Variants in MPRIP observed in about 807,000 individuals in gnomAD.
MPRIP encodes myosin phosphatase Rho-interacting protein.
MPRIP carries 59 observed loss-of-function variants against 234.9 expected under a neutral mutation model. That is an observed-to-expected ratio of 0.25 (90% CI 0.20 to 0.31). The LOEUF is 0.31. Ranked by LOEUF, MPRIP falls within the 10% of genes least tolerant of loss-of-function variation. The probability of loss-of-function intolerance (pLI) is 1.00; values close to 1 mark genes in which losing one functional copy is unlikely to be tolerated. For missense variants in MPRIP, 2,436 were observed against 3,071.0 expected (o/e 0.79, Z 4.89); for synonymous variants, 1,144 against 1,263.9 (o/e 0.91, Z 2.01).
chr17:17,149,673 T>G (rs1227266456), intron 11 of MPRIP: 1 of 148,442 alleles, frequency 6.7e-6, no homozygotes, highest in East Asian at 2.0e-4. Flanking sequence ...AATGAACAAA[T>G]ATATTTAAAT....
At chr17:17,172,635 C>G (rs2046165412) in intron 17 of MPRIP, 63 bp from the exon 18 acceptor site, 1 of 1,358,764 alleles carries the variant, frequency 7.4e-7, no homozygotes. Flanking sequence ...AGCTCCCCAC[C>G]CCCACCCCTG....
Position 17,189,706 on chromosome 17 carries a change from AG to A in MPRIP, c.*4816del, listed in dbSNP as rs1005093473. Reference sequence around the variant, plus strand: ...AGGGCATGAGATAAAAGTCCTGGCTAGGGGAGCCATAGGTCTGTTGTACAAG... The same window carrying A: ...AGGGCATGAGATAAAAGTCCTGGCTAGGGAGCCATAGGTCTGTTGTACAAG... On this transcript the variant is annotated 3_prime_UTR_variant, in exon 24 of 24. Transcript: ENST00000651222. 2.0e-5 allele frequency: 3 copies of A among 152,218 alleles called. No individual in the cohort carries two copies. In the East Asian group the frequency reaches 5.8e-4, roughly 29 times the overall value. 9.4% of individuals were successfully genotyped at this position (152,218 alleles called of 1,614,324 possible).
At chr17:17,053,921 C>T (rs2088617024) in intron 1 of MPRIP, among the ~76,000 whole-genome samples, 1 of 152,184 alleles carries the variant, frequency 6.6e-6, no homozygotes, top group South Asian at 2.1e-4. Flanking sequence ...TACAGTAAGT[C>T]CTCACCGTCA....
Position 17,164,724 on chromosome 17 carries a change from G to C in MPRIP, c.3133G>C (p.Asp1045His), listed in dbSNP as rs1424304877. 23 of 1,295,514 alleles carry C rather than the reference G, an allele frequency of 1.8e-5. No homozygotes were observed. Among genetic ancestry groups the C allele is most frequent in the Non-Finnish European group, 2.3e-5 (23 of 986,002 alleles). 80.3% of individuals were successfully genotyped at this position (1,295,514 alleles called of 1,614,324 possible). A position where few individuals can be genotyped will look rare whatever the true frequency, so the allele number is the denominator to read the frequency against. ...ALLQNLKEVE[D>H]KASAYEDQLQ... The stretch of plus-strand genomic sequence containing the variant: ...GCTGCAGAACCTAAAGGAAGTGGAA[G>C]ACAAGGCCAGCGCCTATGAGGACCA... Residue 1045 changes from aspartate to histidine, a missense_variant, in exon 16 of 24, where the codon GAC becomes CAC. By Grantham distance (81) the Asp-to-His change is moderately conservative. Transcript: ENST00000651222.
intron 1 of MPRIP, among the ~76,000 whole-genome samples, chr17:17,074,669 A>G (rs916522875): frequency 9.2e-5 from 14 of 152,288 alleles, no homozygotes; most frequent in East Asian, 7.7e-4. Flanking sequence ...CCTGGCGACC[A>G]CTAATCTGCT....
At chr17:17,147,083 T>A (rs2045483203) in intron 10 of MPRIP, among the ~76,000 whole-genome samples, 1 of 150,970 alleles carries the variant, frequency 6.6e-6, no homozygotes, top group Non-Finnish European at 1.5e-5. Context: ...CAGCTGTCTG[T>A]GCTGCCTCTT....
At chr17:17,067,866 C>T (rs2089087444) in intron 1 of MPRIP, among the ~76,000 whole-genome samples, 1 of 144,884 alleles carries the variant, frequency 6.9e-6, no homozygotes, top group South Asian at 2.2e-4. Flanking sequence ...TAGAAATCTC[C>T]AGTAAAACCA....
At position 17,186,982 on chromosome 17, in the gene MPRIP, C is replaced by G. The variant is rs1337089651; in HGVS notation, c.*2088C>G. ...GGGTGCTACGATTTTGTGCCGTTCT[C>G]TGAGGTCCACCACCTGCCCTTCCTG... On this transcript the variant is annotated 3_prime_UTR_variant, in exon 24 of 24. Transcript: ENST00000651222. 1 of 152,232 alleles carries G rather than the reference C, an allele frequency of 6.6e-6. No individual in the cohort carries two copies. The highest frequency in any genetic ancestry group is 1.5e-5 in the Non-Finnish European group (1 of 68,066). The allele number at this position is 152,232 out of a possible 1,614,324, so 9.4% of individuals were successfully genotyped here.
intron 3 of MPRIP, among the ~76,000 whole-genome samples, chr17:17,108,838 T>G (rs1193697139): frequency 6.6e-6 from 1 of 152,228 alleles, no homozygotes; most frequent in Non-Finnish European, 1.5e-5. Context: ...TTACACCATG[T>G]GGCATGGCAG....
In MPRIP at chr17:17,164,182, T is replaced by G; in HGVS notation, c.2591T>G (p.Leu864Arg). The change falls in exon 16 of 24, where the codon CTT (leucine) becomes CGT (arginine). Residue 864 changes from leucine (L) to arginine (R), a missense_variant. Leu to Arg is a moderately radical substitution (Grantham distance 102). Transcript: ENST00000651222. ...HRVNQDLQSE[L>R]EAQCQRQELI... ...GTCAACCAAGACCTTCAAAGTGAGCTTGAAGCCCAGTGCCAGCGCCAGGAG... is the reference window on the plus strand; with the variant it reads ...GTCAACCAAGACCTTCAAAGTGAGCGTGAAGCCCAGTGCCAGCGCCAGGAG... 7.7e-7 allele frequency: 1 copy of G among 1,304,300 alleles called. No homozygotes were observed. Among genetic ancestry groups the G allele is most frequent in the Non-Finnish European group, 1.0e-6 (1 of 988,972 alleles). The allele number at this position is 1,304,300 out of a possible 1,614,324, so 80.8% of individuals were successfully genotyped here.
intron 3 of MPRIP, among the ~76,000 whole-genome samples, chr17:17,098,898 T>C (rs2089904415): frequency 6.6e-6 from 1 of 152,008 alleles, no homozygotes; most frequent in South Asian, 2.1e-4. Context: ...GCTTTATTTA[T>C]CTCCACATTT....
intron 3 of MPRIP, among the ~76,000 whole-genome samples, chr17:17,082,482 A>ATGGG (rs1244859268): frequency 6.6e-6 from 1 of 151,334 alleles, no homozygotes; most frequent in Non-Finnish European, 1.5e-5. Context: ...TTTAGTAGAG[A>ATGGG]TGGGGTTTCT....
intron 3 of MPRIP, among the ~76,000 whole-genome samples, chr17:17,090,539 G>A (rs2089690931): frequency 6.6e-6 from 1 of 152,160 alleles, no homozygotes; most frequent in African/African-American, 2.4e-5. Flanking sequence ...TTCATCAGTG[G>A]TGTTGGCCGT....
In MPRIP at chr17:17,167,477, C is replaced by G; in HGVS notation, c.5886C>G (p.Thr1962=). Residue 1962 remains threonine, a synonymous_variant, in exon 16 of 24, where the codon ACC becomes ACG. Coordinates refer to ENST00000651222, the MANE Select transcript of MPRIP (RefSeq NM_001364716.4). This position sits in a 1 kb window ranked among gnomAD's most constrained non-coding sequence, Gnocchi z 5.9. Reference sequence around the variant, plus strand: ...GTGTGGTGGAGCAGCTGACCAGGACCGAGAGCACACTGCAGGCTGAGCGCA... The same window carrying G: ...GTGTGGTGGAGCAGCTGACCAGGACGGAGAGCACACTGCAGGCTGAGCGCA... The part of the protein sequence containing the change: ...IRCVVEQLTR[T]ESTLQAERSR... The G allele has an allele frequency of 7.7e-7, 1 of 1,304,178 alleles. No homozygotes were observed. Among genetic ancestry groups the G allele is most frequent in the Non-Finnish European group, 1.0e-6 (1 of 988,948 alleles). 80.8% of individuals were successfully genotyped at this position (1,304,178 alleles called of 1,614,324 possible).
chr17:17,112,467 G>A (rs990361979), intron 3 of MPRIP, among the ~76,000 whole-genome samples: 1 of 152,196 alleles, frequency 6.6e-6, no homozygotes, highest in Admixed American at 6.5e-5. Context: ...TCCAGTAGAT[G>A]CCATGGAGTT....
chr17:17,147,245 C>T lies in MPRIP; in HGVS notation c.1561-74C>T, dbSNP rs545208104. The stretch of plus-strand genomic sequence containing the variant: ...GGGAGGGCCCCACAGGCTCTGGCTG[C>T]GCACCGCCGTGGCGTGGCAGGCATG... On this transcript the variant is annotated intron_variant, in intron 10 of 23. Transcript: ENST00000651222. 3.3e-3 allele frequency: 4,745 copies of T among 1,435,718 alleles called. 176 individuals carry two copies. In the South Asian group the frequency reaches 0.051, roughly 15 times the overall value. 88.9% of individuals were successfully genotyped at this position (1,435,718 alleles called of 1,614,324 possible).
At chr17:17,156,770 G>T (rs188839323) in intron 13 of MPRIP, among the ~76,000 whole-genome samples, 5 of 152,372 alleles carry the variant, frequency 3.3e-5, no homozygotes, top group Admixed American at 1.3e-4. Flanking sequence ...TCTTAGTTCA[G>T]TGACGTCACA....
chr17:17,117,314 G>A (rs1374874739), intron 3 of MPRIP, among the ~76,000 whole-genome samples: 2 of 152,310 alleles, frequency 1.3e-5, no homozygotes, highest in Non-Finnish European at 2.9e-5. Flanking sequence ...ACAGAAGGGG[G>A]TAGATTATCA....
Position 17,188,398 on chromosome 17 carries a change from C to A in MPRIP, c.*3504C>A, listed in dbSNP as rs997880574. On this transcript the variant is annotated 3_prime_UTR_variant, in exon 24 of 24. Transcript: ENST00000651222. ...TTCAGCAAGTATGAAGGCAGAAGAG[C>A]ATGGAGAGCAAGGCCCCACAGCCTG... is the stretch of plus-strand genomic sequence containing the variant. 9 of 152,194 alleles carry A rather than the reference C, an allele frequency of 5.9e-5. No individual in the cohort carries two copies. Among genetic ancestry groups the A allele is most frequent in the African/African-American group, 2.2e-4 (9 of 41,366 alleles). The allele number at this position is 152,194 out of a possible 1,614,324, so 9.4% of individuals were successfully genotyped here.
Sources: gnomAD v4.1 joint callset for allele counts (sites outside exome capture counted in the v4.1 genomes callset) on GRCh38, gnomAD v4.1.1 for gene constraint, Gnocchi (gnomAD v3.1) non-coding constraint, MANE v1.5 for transcripts, NCBI Gene and HGNC (gene_info 2026-07-23, HGNC 2026-07-21) for gene names.